The following ASPH variants were observed in gnomAD, a reference collection of about 807,000 sequenced individuals.
ASPH encodes aspartate beta-hydroxylase.
ASPH carries 100 observed loss-of-function variants against 118.4 expected under a neutral mutation model. The ratio of observed to expected loss-of-function variants is 0.84; its 90% CI spans 0.72 to 1.00. ASPH has a LOEUF of 1.00. Among genes scored for constraint, ASPH ranks in the 50% least tolerant of loss-of-function variants. ASPH has a pLI of 0.00. For synonymous variants in ASPH, 315 were observed against 325.6 expected (o/e 0.97, Z 0.35); for missense variants, 920 against 919.5 (o/e 1.00, Z -0.01).
chr8:61,712,840 C>T (rs1589394713), intron 1 of ASPH, among the ~76,000 whole-genome samples: 1 of 152,144 alleles, frequency 6.6e-6, no homozygotes, highest in East Asian at 1.9e-4. Flanking sequence ...TGAAATGGAA[C>T]GAAGACATGC....
At chr8:61,651,694 C>G (rs2151110572) in intron 4 of ASPH, among the ~76,000 whole-genome samples, 1 of 152,334 alleles carries the variant, frequency 6.6e-6, no homozygotes, top group Non-Finnish European at 1.5e-5. Flanking sequence ...AACTGACAAT[C>G]CTTTCAGCTT....
At chr8:61,688,289 T>A (rs1170879088) in intron 1 of ASPH, among the ~76,000 whole-genome samples, 2 of 152,206 alleles carry the variant, frequency 1.3e-5, no homozygotes, top group Non-Finnish European at 2.9e-5. Flanking sequence ...TACTGGGGTT[T>A]AAGAATACTG....
chr8:61,701,331 A>G (rs1226970086), intron 1 of ASPH, among the ~76,000 whole-genome samples: 1 of 152,354 alleles, frequency 6.6e-6, no homozygotes, highest in East Asian at 1.9e-4. Context: ...CAGTAAAAGT[A>G]CTTAAGCTAG....
At chr8:61,626,028 C>T in intron 13 of ASPH, 1 of 1,223,310 alleles carries the variant, frequency 8.2e-7, no homozygotes, top group East Asian at 3.3e-5. Flanking sequence ...AATGGATCCA[C>T]TAATGCTATC....
At chr8:61,512,367 AGAG>A (rs1411386977) in intron 24 of ASPH, among the ~76,000 whole-genome samples, 4 of 152,224 alleles carry the variant, frequency 2.6e-5, no homozygotes, top group African/African-American at 4.8e-5. Context: ...AGAAAAGAAA[AGAG>A]GAGAAGACTC....
chr8:61,644,720 T>C lies in ASPH; in HGVS notation c.620-88A>G, dbSNP rs1806999647. ...TATATGTACTCTGAATCTATGCTTA[T>C]CATTAATTTTATTTAAAAAATTAAA... On this transcript the variant is annotated intron_variant, in intron 6 of 24. Coordinates refer to ENST00000379454, the MANE Select transcript of ASPH (RefSeq NM_004318.4). 3 of 988,452 alleles carry C rather than the reference T, an allele frequency of 3.0e-6. No homozygotes were observed. The South Asian group carries it at 7.0e-5, about 23-fold the overall frequency. The allele number at this position is 988,452 out of a possible 1,614,324, so 61.2% of individuals were successfully genotyped here.
chr8:61,651,301 T>C (rs927260045), intron 4 of ASPH, 177 bp from the exon 5 acceptor site: 7 of 457,900 alleles, frequency 1.5e-5, no homozygotes, highest in East Asian at 3.4e-5. Context: ...ACATGGTAGA[T>C]ATGTAAAATT....
chr8:61,654,886 G>T (rs1430380480), intron 3 of ASPH, among the ~76,000 whole-genome samples: 1 of 152,184 alleles, frequency 6.6e-6, no homozygotes, highest in African/African-American at 2.4e-5. Flanking sequence ...GGTCCTAATT[G>T]TAGTTCAAGT....
chr8:61,706,771 TA>T (rs1477903692), intron 1 of ASPH, among the ~76,000 whole-genome samples: 1 of 152,216 alleles, frequency 6.6e-6, no homozygotes. Flanking sequence ...ATTACAAAGC[TA>T]TAGTGAGCAA....
At chr8:61,591,704 T>C (rs1369550184) in intron 14 of ASPH, among the ~76,000 whole-genome samples, 1 of 152,198 alleles carries the variant, frequency 6.6e-6, no homozygotes, top group Non-Finnish European at 1.5e-5. Context: ...CTTCTAGACA[T>C]GTGTGACTCA....
chr8:61,556,917 G>A (rs1264224056), intron 18 of ASPH, among the ~76,000 whole-genome samples: 1 of 152,196 alleles, frequency 6.6e-6, no homozygotes, highest in African/African-American at 2.4e-5. Flanking sequence ...AAGTGTACAC[G>A]CAGGGGACAC....
chr8:61,672,404 A>C (rs1190013589), intron 3 of ASPH, among the ~76,000 whole-genome samples: 1 of 152,170 alleles, frequency 6.6e-6, no homozygotes, highest in Non-Finnish European at 1.5e-5. Context: ...CAAATTGGAG[A>C]TTGGAAAGGT....
chr8:61,668,791 A>G (rs1018554331), intron 3 of ASPH, among the ~76,000 whole-genome samples: 1 of 152,256 alleles, frequency 6.6e-6, no homozygotes, highest in Non-Finnish European at 1.5e-5. Context: ...TAAGAATGAC[A>G]GTATTATGTA....
At chr8:61,630,754 G>A (rs1855186576) in intron 13 of ASPH, among the ~76,000 whole-genome samples, 1 of 152,142 alleles carries the variant, frequency 6.6e-6, no homozygotes, top group Non-Finnish European at 1.5e-5. Context: ...ATAAAGGACT[G>A]TTAATGGTTT....
chr8:61,700,900 T>C (rs1835092798), intron 1 of ASPH, among the ~76,000 whole-genome samples: 1 of 152,242 alleles, frequency 6.6e-6, no homozygotes, highest in South Asian at 2.1e-4. Context: ...AAACTATAGT[T>C]ACACATTTCT....
At chr8:61,615,068 G>A (rs1357693129) in intron 14 of ASPH, among the ~76,000 whole-genome samples, 1 of 152,086 alleles carries the variant, frequency 6.6e-6, no homozygotes, top group Non-Finnish European at 1.5e-5. Flanking sequence ...CATCTCACTG[G>A]AGGTAATACA....
chr8:61,658,706 T>C (rs1183625505), intron 3 of ASPH: 1 of 152,132 alleles, frequency 6.6e-6, no homozygotes, highest in Non-Finnish European at 1.5e-5. Context: ...TACACCCCCC[T>C]CCCTGCCAGT....
chr8:61,704,446 TAA>T (rs1477348744), intron 1 of ASPH, among the ~76,000 whole-genome samples: 2 of 151,332 alleles, frequency 1.3e-5, no homozygotes, highest in Admixed American at 6.6e-5. Flanking sequence ...TAGAAGAAAA[TAA>T]AAGAGGATAG....
chr8:61,576,822 G>A lies in ASPH; in HGVS notation c.1099C>T (p.Leu367=). The A allele has an allele frequency of 6.2e-7, 1 of 1,609,402 alleles. No individual in the cohort carries two copies. The highest frequency in any genetic ancestry group is 8.5e-7 in the Non-Finnish European group (1 of 1,177,294). The change falls in exon 16 of 25, where the codon CTA becomes TTA. Residue 367 remains leucine (L), a synonymous_variant. Transcript: ENST00000379454. ...IEEAVNAFKE[L]VRKYPQSPRA... is the part of the protein sequence containing the mutation. ...GGACTCTGAGGGTATTTGCGTACTA[G>A]TTCTTTAAATGCATTCACTGCTTCC...
Sources: allele counts gnomAD v4.1 joint callset (sites outside exome capture counted in the v4.1 genomes callset), GRCh38; gene constraint gnomAD v4.1.1; transcripts MANE v1.5; gene names NCBI Gene and HGNC (gene_info 2026-07-23, HGNC 2026-07-21).